Variants in GLRA3 observed in about 807,000 individuals in gnomAD.
The protein encoded by GLRA3 is glycine receptor alpha 3, also known as glycine receptor subunit alpha-3.
A neutral mutation model predicts 60.4 loss-of-function variants in GLRA3; 44 were observed. The observed-to-expected ratio is 0.73, with a 90% confidence interval of 0.57 to 0.94. The LOEUF is 0.94. Among genes scored for constraint, GLRA3 ranks in the 40% least tolerant of loss-of-function variants. The probability of loss-of-function intolerance (pLI) is 0.00; values close to 1 mark genes in which losing one functional copy is unlikely to be tolerated. For synonymous variants in GLRA3, 223 were observed against 192.9 expected (o/e 1.16, Z -1.29); for missense variants, 508 against 564.6 (o/e 0.90, Z 1.02).
At chr4:174,824,218 T>G (rs2111405165) in intron 1 of GLRA3, among the ~76,000 whole-genome samples, 1 of 152,348 alleles carries the variant, frequency 6.6e-6, no homozygotes. Context: ...GTATTTCTTT[T>G]AAGAAACTAT....
intron 1 of GLRA3, among the ~76,000 whole-genome samples, chr4:174,811,401 T>C (rs1373096412): frequency 1.3e-5 from 2 of 152,086 alleles, no homozygotes; most frequent in Non-Finnish European, 2.9e-5. Context: ...TTATTCAAAA[T>C]CCAGGATGTG....
At chr4:174,745,100 G>A (rs28620223) in intron 3 of GLRA3, among the ~76,000 whole-genome samples, 24,070 of 151,884 alleles carry the variant, frequency 0.16, 2,490 homozygotes, top group African/African-American at 0.3. Context: ...AATAACTCAG[G>A]GAAAAATAAA....
At chr4:174,648,018 G>A (rs4622971) in intron 9 of GLRA3, among the ~76,000 whole-genome samples, 81,345 of 152,064 alleles carry the variant, frequency 0.53, 23,161 homozygotes, top group African/African-American at 0.74. Flanking sequence ...CTAAGGAGCT[G>A]ATAACATATT....
chr4:174,676,493 G>A (rs1442145863), intron 7 of GLRA3, among the ~76,000 whole-genome samples: 2 of 152,066 alleles, frequency 1.3e-5, no homozygotes, highest in Non-Finnish European at 1.5e-5. Flanking sequence ...TATATGCTAA[G>A]AACATAATAC....
chr4:174,666,739 A>AAT lies in GLRA3; in HGVS notation c.928-7544_928-7543dup, dbSNP rs1206177926. 9.8e-3 allele frequency among the ~76,000 whole-genome samples: 1,318 copies of AAT among 134,048 alleles called. 12 individuals are homozygous for AAT. The highest frequency in any genetic ancestry group is 0.016 in the African/African-American group (602 of 36,902). The allele number at this position is 134,048 out of a possible 152,430, so 87.9% of individuals were successfully genotyped here. A position where few individuals can be genotyped will look rare whatever the true frequency, so the allele number is the denominator to read the frequency against. On this transcript the variant is annotated intron_variant, in intron 7 of 9. Coordinates refer to ENST00000274093, the MANE Select transcript of GLRA3 (RefSeq NM_006529.4). ...GCCTGCCTCTTGCATCTCAAATAAG[A>AAT]ATATATATATATATATATATTATAT...
chr4:174,756,180 G>T (rs766412394), intron 3 of GLRA3, among the ~76,000 whole-genome samples: 132 of 152,158 alleles, frequency 8.7e-4, no homozygotes, highest in Non-Finnish European at 1.3e-3. Context: ...ACTCATGGAA[G>T]AAATAACAGT....
At chr4:174,655,858 T>C (rs1024025607) in intron 9 of GLRA3, among the ~76,000 whole-genome samples, 4 of 152,110 alleles carry the variant, frequency 2.6e-5, no homozygotes, top group Non-Finnish European at 5.9e-5. Context: ...TTTAAAATAA[T>C]ACCAGGTCTA....
chr4:174,790,883 A>C (rs926855507), intron 1 of GLRA3, among the ~76,000 whole-genome samples: 1 of 149,002 alleles, frequency 6.7e-6, no homozygotes, highest in African/African-American at 2.5e-5. Flanking sequence ...GGGCTCCTGT[A>C]GTCCCAGCTA....
chr4:174,651,003 G>T (rs928479551), intron 9 of GLRA3, among the ~76,000 whole-genome samples: 2 of 152,182 alleles, frequency 1.3e-5, no homozygotes, highest in African/African-American at 4.8e-5. Context: ...GGCTTCTGGA[G>T]GATTCAGTGG....
intron 5 of GLRA3, among the ~76,000 whole-genome samples, chr4:174,708,247 G>T (rs1735584280): frequency 6.6e-6 from 1 of 152,170 alleles, no homozygotes; most frequent in South Asian, 2.1e-4. Context: ...CTTATCTTTT[G>T]CCTTAGCTAA....
At chr4:174,686,638 A>T (rs866785921) in intron 5 of GLRA3, among the ~76,000 whole-genome samples, 1 of 152,342 alleles carries the variant, frequency 6.6e-6, no homozygotes, top group South Asian at 2.1e-4. Flanking sequence ...AGACAGGCAG[A>T]AACTGCTGTG....
chr4:174,812,540 A>C (rs910314717), intron 1 of GLRA3, among the ~76,000 whole-genome samples: 2 of 152,132 alleles, frequency 1.3e-5, no homozygotes, highest in Non-Finnish European at 2.9e-5. Flanking sequence ...GCATAGAACA[A>C]AGGAGAAAAT....
chr4:174,689,971 A>T (rs923284907), intron 5 of GLRA3, among the ~76,000 whole-genome samples: 1 of 152,082 alleles, frequency 6.6e-6, no homozygotes, highest in Non-Finnish European at 1.5e-5. Flanking sequence ...GGATGACTAG[A>T]TAAAGAAAAT....
chr4:174,791,460 C>T (rs1411500679), intron 1 of GLRA3, among the ~76,000 whole-genome samples: 1 of 152,126 alleles, frequency 6.6e-6, no homozygotes, highest in East Asian at 1.9e-4. Flanking sequence ...GCTACAGTTG[C>T]CATTGGAAAC....
intron 4 of GLRA3, among the ~76,000 whole-genome samples, chr4:174,716,561 C>T (rs4611902): frequency 0.97 from 148,113 of 152,264 alleles, 72,173 homozygotes; most frequent in East Asian, 1. Context: ...AAGCCTCTTG[C>T]ACTGAGAATA....
intron 1 of GLRA3, among the ~76,000 whole-genome samples, chr4:174,798,324 T>A (rs1263507918): frequency 2.6e-5 from 4 of 151,952 alleles, no homozygotes; most frequent in African/African-American, 9.7e-5. Context: ...TGAAAAAAAA[T>A]TTAGTATTTG....
At chr4:174,658,362 C>G (rs1579398409) in intron 8 of GLRA3, among the ~76,000 whole-genome samples, 2 of 152,222 alleles carry the variant, frequency 1.3e-5, no homozygotes, top group East Asian at 3.9e-4. Flanking sequence ...ACATGCATGT[C>G]AAGGAAGATG....
chr4:174,699,845 A>G (rs983590578), intron 5 of GLRA3, among the ~76,000 whole-genome samples: 28 of 150,868 alleles, frequency 1.9e-4, no homozygotes, highest in African/African-American at 6.8e-4. Flanking sequence ...TTATTAATTA[A>G]TAATTAATGC....
intron 5 of GLRA3, among the ~76,000 whole-genome samples, chr4:174,686,330 T>A (rs904732498): frequency 6.6e-6 from 1 of 152,230 alleles, no homozygotes; most frequent in Non-Finnish European, 1.5e-5. Flanking sequence ...TTTATACAAG[T>A]CTGAGAATGC....
Sources: gnomAD v4.1 joint callset for allele counts (sites outside exome capture counted in the v4.1 genomes callset) on GRCh38, gnomAD v4.1.1 for gene constraint, MANE v1.5 for transcripts, NCBI Gene and HGNC (gene_info 2026-07-23, HGNC 2026-07-21) for gene names.